TC2N: variants seen among roughly 807,000 people sequenced by gnomAD.
TC2N encodes the protein tandem C2 domains nuclear protein.
Under a neutral mutation model 61.9 loss-of-function variants are expected in TC2N, and 51 were observed. That is an observed-to-expected ratio of 0.82 (90% CI 0.66 to 1.04). The LOEUF is 1.04. Ranked by LOEUF, TC2N falls within the 50% of genes least tolerant of loss-of-function variation. The pLI is 0.00. For synonymous variants in TC2N, 204 were observed against 192.6 expected, an observed-to-expected ratio of 1.06 and a Z score of -0.49; for missense variants, 556 against 566.7, an observed-to-expected ratio of 0.98 and a Z score of 0.19.
At chr14:91,843,972 T>C (rs543216248) in intron 1 of TC2N, among the ~76,000 whole-genome samples, 68 of 152,186 alleles carry the variant, frequency 4.5e-4, no homozygotes, top group Non-Finnish European at 7.9e-4. Flanking sequence ...ACTAATGATG[T>C]TGGGATAGTT....
chr14:91,838,146 CTTTTT>C (rs11406325), intron 1 of TC2N, among the ~76,000 whole-genome samples: 1 of 131,846 alleles, frequency 7.6e-6, no homozygotes, highest in Non-Finnish European at 1.6e-5. Flanking sequence ...TCATTTGTTC[CTTTTT>C]TTTTTTTTTT....
At chr14:91,848,175 A>G (rs1380882244) in intron 1 of TC2N, among the ~76,000 whole-genome samples, 1 of 152,222 alleles carries the variant, frequency 6.6e-6, no homozygotes, top group African/African-American at 2.4e-5. Flanking sequence ...CTATCCCTTA[A>G]ATTGAGACCA....
chr14:91,822,996 T>C (rs190984883), intron 1 of TC2N, among the ~76,000 whole-genome samples: 2 of 152,072 alleles, frequency 1.3e-5, no homozygotes, highest in Non-Finnish European at 2.9e-5. Flanking sequence ...ATTACAGGCA[T>C]GAGCCACCGT....
In TC2N at chr14:91,800,327, C is replaced by T. The variant is rs8020529; in HGVS notation, c.515G>A (p.Ser172Asn). ...TNKLPGSPGLSKSMFDLTNSS... is the reference protein window; with the variant it reads ...TNKLPGSPGLNKSMFDLTNSS... ...GTTTGTAAGATCAAACATAGATTTG[C>T]TTAGCCCAGGGGAACCGGGAAGTTT... The change falls in exon 5 of 12, where the codon AGC (serine) becomes AAC (asparagine). Residue 172 changes from serine to asparagine, a missense_variant. Ser to Asn is a conservative substitution (Grantham distance 46). Coordinates refer to ENST00000435962, the MANE Select transcript of TC2N (RefSeq NM_001128596.3). 1.4e-3 allele frequency: 2,271 copies of T among 1,605,244 alleles called. 33 individuals are homozygous for T. In the African/African-American group the frequency reaches 0.027, roughly 19 times the overall value.
At chr14:91,829,442 G>T (rs1227276156) in intron 1 of TC2N, among the ~76,000 whole-genome samples, 1 of 151,936 alleles carries the variant, frequency 6.6e-6, no homozygotes, top group Admixed American at 6.6e-5. Flanking sequence ...ATCTCTTTGT[G>T]GAGTACATCT....
chr14:91,829,461 A>G (rs1887651245), intron 1 of TC2N, among the ~76,000 whole-genome samples: 2 of 151,982 alleles, frequency 1.3e-5, no homozygotes, highest in African/African-American at 4.8e-5. Flanking sequence ...CTAATTTCCT[A>G]ATTAGTAGTT....
intron 1 of TC2N, among the ~76,000 whole-genome samples, chr14:91,818,661 A>G (rs1211467065): frequency 6.6e-6 from 1 of 152,148 alleles, no homozygotes; most frequent in African/African-American, 2.4e-5. Flanking sequence ...TATGTTCAAA[A>G]GGTTAAGTAG....
At chr14:91,863,526 C>T (rs896988281) in intron 1 of TC2N, among the ~76,000 whole-genome samples, 1 of 152,080 alleles carries the variant, frequency 6.6e-6, no homozygotes, top group African/African-American at 2.4e-5. Flanking sequence ...GGTGAGATAG[C>T]TTGAAGTGGG....
intron 1 of TC2N, among the ~76,000 whole-genome samples, chr14:91,829,995 A>G (rs1887679662): frequency 6.6e-6 from 1 of 152,208 alleles, no homozygotes; most frequent in African/African-American, 2.4e-5. Flanking sequence ...AATCAAAACC[A>G]TAATGAGATA....
intron 3 of TC2N, among the ~76,000 whole-genome samples, chr14:91,803,136 A>G (rs1259617196): frequency 1.3e-5 from 2 of 152,120 alleles, no homozygotes; most frequent in Non-Finnish European, 2.9e-5. Context: ...AGAAAGAATG[A>G]TCTTTTCACT....
intron 1 of TC2N, among the ~76,000 whole-genome samples, chr14:91,832,109 C>T (rs960949916): frequency 2.6e-5 from 4 of 152,038 alleles, no homozygotes; most frequent in Non-Finnish European, 4.4e-5. Context: ...ATTTTTAGAC[C>T]GAGTGCAATG....
At chr14:91,819,294 CA>C (rs1887141317) in intron 1 of TC2N, among the ~76,000 whole-genome samples, 1 of 152,026 alleles carries the variant, frequency 6.6e-6, no homozygotes, top group Non-Finnish European at 1.5e-5. Flanking sequence ...CATGCCACTG[CA>C]CTCCAGCCTG....
In TC2N at chr14:91,810,316, TG is replaced by T. The variant is rs138507943; in HGVS notation, c.301+1995del. On this transcript the variant is annotated intron_variant, in intron 3 of 11. Transcript: ENST00000435962. ...TCCAACATTGGGAATCACATGAATTTGGCGGGGCCAAACATCCAAACCATAT... is the reference window on the plus strand; with the variant it reads ...TCCAACATTGGGAATCACATGAATTTGCGGGGCCAAACATCCAAACCATAT... Among the ~76,000 whole-genome samples, 872 of 152,040 alleles carry T rather than the reference TG, an allele frequency of 5.7e-3. 28 individuals are homozygous for T. The South Asian group carries it at 0.079, about 14-fold the overall frequency.
At chr14:91,808,636 C>T (rs987775485) in intron 3 of TC2N, among the ~76,000 whole-genome samples, 2 of 152,146 alleles carry the variant, frequency 1.3e-5, no homozygotes, top group Admixed American at 1.3e-4. Context: ...GATGGTTTTA[C>T]CACTTCTTCA....
At chr14:91,821,977 G>A (rs1446497681) in intron 1 of TC2N, among the ~76,000 whole-genome samples, 3 of 152,042 alleles carry the variant, frequency 2.0e-5, no homozygotes, top group Non-Finnish European at 4.4e-5. Context: ...GATTAAAAAG[G>A]ATAAAATTAC....
intron 3 of TC2N, among the ~76,000 whole-genome samples, chr14:91,802,875 T>C (rs1252473797): frequency 2.0e-5 from 3 of 150,902 alleles, no homozygotes; most frequent in Admixed American, 1.3e-4. Context: ...CTTACTACAA[T>C]GCAATTAAGT....
At chr14:91,785,105 T>C in intron 11 of TC2N, 57 bp downstream of exon 11, 1 of 1,220,056 alleles carries the variant, frequency 8.2e-7, no homozygotes, top group Non-Finnish European at 1.2e-6. Context: ...TTCCCTTTGT[T>C]AACTGACTGT....
chr14:91,813,991 T>C (rs1886893088), intron 1 of TC2N, among the ~76,000 whole-genome samples, 166 bp from the exon 2 acceptor site: 1 of 151,656 alleles, frequency 6.6e-6, no homozygotes, highest in Non-Finnish European at 1.5e-5. Flanking sequence ...CTGTATAACT[T>C]ATTTGTAAGT....
intron 1 of TC2N, among the ~76,000 whole-genome samples, chr14:91,848,408 T>C (rs1466284437): frequency 6.6e-6 from 1 of 152,214 alleles, no homozygotes. Context: ...TCAAGACCCA[T>C]GTGACTGCAG....
Sources: allele counts gnomAD v4.1 joint callset (sites outside exome capture counted in the v4.1 genomes callset), GRCh38; gene constraint gnomAD v4.1.1; transcripts MANE v1.5; gene names NCBI Gene and HGNC (gene_info 2026-07-23, HGNC 2026-07-21).